TMC5: variants seen among roughly 807,000 people sequenced by gnomAD.
The protein encoded by TMC5 is transmembrane channel like 5.
TMC5 carries 86 observed loss-of-function variants against 110.5 expected under a neutral mutation model. That is an observed-to-expected ratio of 0.78 (90% CI 0.65 to 0.93). TMC5 has a LOEUF of 0.93. Ranked by LOEUF, TMC5 falls within the 40% of genes least tolerant of loss-of-function variation. The pLI is 0.00. For missense variants in TMC5, 1,144 were observed against 1,222.8 expected, an observed-to-expected ratio of 0.94 and a Z score of 0.96; for synonymous variants, 455 against 439.5, an observed-to-expected ratio of 1.04 and a Z score of -0.44.
rs575971732 is a variant in TMC5 at position 19,463,985 on chromosome 16, C to T, written c.1446C>T (p.Asn482=). Residue 482 remains asparagine, a synonymous_variant, in exon 8 of 22, where the codon AAC becomes AAT. Coordinates refer to ENST00000542583, the MANE Select transcript of TMC5 (RefSeq NM_001261841.2). The part of the protein sequence containing the change: ...IIPQFTVAKK[N]TLQFTGLEFF... The stretch of plus-strand genomic sequence containing the variant: ...CTCAGTTTACCGTGGCCAAAAAGAA[C>T]ACCCTCCAGTTCACTGGGCTGGAGT... The T allele has an allele frequency of 6.2e-7, 1 of 1,614,160 alleles. No individual in the cohort carries two copies. The highest frequency in any genetic ancestry group is 1.1e-5 in the South Asian group (1 of 91,080).
At chr16:19,494,738 T>G (rs58691654) in intron 20 of TMC5, among the ~76,000 whole-genome samples, 2 of 151,900 alleles carry the variant, frequency 1.3e-5, no homozygotes, top group Admixed American at 1.3e-4. Flanking sequence ...ACCCAGGAGG[T>G]GGAGGTTGCG....
At chr16:19,414,363 A>T (rs1405919613), upstream of TMC5, among the ~76,000 whole-genome samples, 1 of 152,166 alleles carries the variant, frequency 6.6e-6, no homozygotes, top group Non-Finnish European at 1.5e-5. Context: ...AAATTATTTT[A>T]AAAATTTATT....
chr16:19,464,195 C>T (rs1244374341), intron 8 of TMC5, among the ~76,000 whole-genome samples, 171 bp downstream of exon 8: 1 of 152,162 alleles, frequency 6.6e-6, no homozygotes, highest in African/African-American at 2.4e-5. Context: ...TGCCTGTAAT[C>T]CCAGCAAGCT....
rs781206776 is a variant in TMC5 at position 19,449,671 on chromosome 16, T to C, written c.1048+40T>C. On this transcript the variant is annotated intron_variant, in intron 5 of 21. Coordinates refer to ENST00000542583, the MANE Select transcript of TMC5 (RefSeq NM_001261841.2). ...TTGGCTCTGTGTCCCCACCCAACTC[T>C]CATTTCAAATTGTAATCCCCATGTG... is the stretch of plus-strand genomic sequence containing the variant. The C allele has an allele frequency of 3.2e-6, 5 of 1,556,816 alleles. No homozygotes were observed. The African/African-American group carries it at 6.8e-5, about 21-fold the overall frequency.
In TMC5 at chr16:19,466,211, T is replaced by C; in HGVS notation, c.1615T>C (p.Cys539Arg). Reference protein sequence around the residue: ...IFTIGACLTTCFFSLLFSMAK... With the variant: ...IFTIGACLTTRFFSLLFSMAK... ...CACAATCGGAGCATGCTTGACCACC[T>C]GCTTCTTCAGTTTGCTGTTCAGGTA... Residue 539 changes from cysteine to arginine, a missense_variant, in exon 9 of 22, where the codon TGC becomes CGC. Cys to Arg is a radical substitution (Grantham distance 180). Coordinates refer to ENST00000542583, the MANE Select transcript of TMC5 (RefSeq NM_001261841.2). The C allele has an allele frequency of 6.2e-7, 1 of 1,614,176 alleles. No homozygotes were observed. The highest frequency in any genetic ancestry group is 8.5e-7 in the Non-Finnish European group (1 of 1,180,036).
intron 2 of TMC5, among the ~76,000 whole-genome samples, chr16:19,434,378 A>C (rs1275626942): frequency 2.2e-5 from 1 of 45,140 alleles, no homozygotes; most frequent in Non-Finnish European, 4.0e-5. Flanking sequence ...ATATAGATCT[A>C]TATATAATAT....
intron 2 of TMC5, among the ~76,000 whole-genome samples, chr16:19,434,117 A>C (rs1396508936): frequency 1.9e-5 from 2 of 105,820 alleles, no homozygotes; most frequent in East Asian, 2.6e-4. Flanking sequence ...TTATATATAT[A>C]TCTATATATC....
chr16:19,435,691 C>T (rs1005617306), intron 2 of TMC5, among the ~76,000 whole-genome samples: 6 of 152,132 alleles, frequency 3.9e-5, no homozygotes, highest in Non-Finnish European at 8.8e-5. Context: ...TCACCTCTTT[C>T]CTTCCTCAAG....
intron 10 of TMC5, among the ~76,000 whole-genome samples, chr16:19,470,646 C>T (rs1164616821): frequency 6.8e-6 from 1 of 146,214 alleles, no homozygotes; most frequent in African/African-American, 2.5e-5. Context: ...ACAGCACCTG[C>T]AGCAGAGAAT....
intron 2 of TMC5, among the ~76,000 whole-genome samples, chr16:19,432,556 C>T (rs1044345713): frequency 9.2e-5 from 14 of 152,236 alleles, no homozygotes; most frequent in African/African-American, 3.4e-4. Context: ...CAGAAGGCCA[C>T]TCCCACTTCA....
At chr16:19,451,687 A>G (rs903802135) in intron 5 of TMC5, among the ~76,000 whole-genome samples, 11 of 152,048 alleles carry the variant, frequency 7.2e-5, no homozygotes, top group African/African-American at 2.7e-4. Context: ...TTCAATTCTG[A>G]CACTATCTAC....
chr16:19,440,238 G>A lies in TMC5; in HGVS notation c.200G>A (p.Gly67Glu), dbSNP rs774006049. Residue 67 changes from glycine (G) to glutamate (E), a missense_variant, in exon 3 of 22, where the codon GGG (glycine) becomes GAG (glutamate). Gly to Glu is a moderately conservative substitution (Grantham distance 98). Coordinates refer to ENST00000542583, the MANE Select transcript of TMC5 (RefSeq NM_001261841.2). Reference protein sequence around the residue: ...VASRTRPDYPGSLAEPNYPRS... With the variant: ...VASRTRPDYPESLAEPNYPRS... The stretch of plus-strand genomic sequence containing the variant: ...TCCAGAACACGTCCAGACTATCCTG[G>A]GTCTCTGGCAGAACCAAATTATCCT... The A allele has an allele frequency of 3.7e-6, 6 of 1,613,850 alleles. No individual in the cohort carries two copies. Among genetic ancestry groups the A allele is most frequent in the African/African-American group, 1.3e-5 (1 of 74,816 alleles).
chr16:19,462,897 CAAAAA>C (rs530123989), intron 6 of TMC5, among the ~76,000 whole-genome samples: 1 of 83,836 alleles, frequency 1.2e-5, no homozygotes, highest in Non-Finnish European at 2.5e-5. Flanking sequence ...GACGCCATCT[CAAAAA>C]AAAAAAAAAA....
rs1016138505 is a variant in TMC5, at chr16:19,494,287, T to C, written c.2852T>C (p.Ile951Thr). ...INEGKDKMFL[I>T]EKLIKLQDME... ...GAGGGCAAAGATAAAATGTTCCTGA[T>C]AGAAAAATTGATCAAGCTGCAGGAT... Residue 951 changes from isoleucine to threonine, a missense_variant, in exon 20 of 22, where the codon ATA (isoleucine) becomes ACA (threonine). Coordinates refer to ENST00000542583, the MANE Select transcript of TMC5 (RefSeq NM_001261841.2). 17 of 1,612,968 alleles carry C rather than the reference T, an allele frequency of 1.1e-5. No homozygotes were observed. Among genetic ancestry groups the C allele is most frequent in the African/African-American group, 5.3e-5 (4 of 74,854 alleles).
chr16:19,420,854 T>C (rs983337934), intron 1 of TMC5, among the ~76,000 whole-genome samples: 4 of 152,218 alleles, frequency 2.6e-5, no homozygotes, highest in African/African-American at 9.6e-5. Context: ...TTCCCAGCCT[T>C]TGATGTGTTA....
intron 5 of TMC5, among the ~76,000 whole-genome samples, chr16:19,457,899 T>C (rs549399940): frequency 6.6e-6 from 1 of 151,740 alleles, no homozygotes; most frequent in Admixed American, 6.6e-5. Context: ...AATTTTTGTA[T>C]TTTTAGTAGA....
chr16:19,423,807 AGTG>A (rs1447629757), intron 1 of TMC5, among the ~76,000 whole-genome samples: 1 of 152,170 alleles, frequency 6.6e-6, no homozygotes, highest in Non-Finnish European at 1.5e-5. Flanking sequence ...GCTGGAGTGC[AGTG>A]GTGCCATCTT....
At chr16:19,424,946 G>T (rs1381975186) in intron 1 of TMC5, among the ~76,000 whole-genome samples, 4 of 152,176 alleles carry the variant, frequency 2.6e-5, no homozygotes, top group Admixed American at 1.3e-4. Context: ...CTGGTGAGCA[G>T]CCTCCATCCA....
chr16:19,426,533 C>T (rs1483157953), intron 1 of TMC5, among the ~76,000 whole-genome samples: 1 of 152,138 alleles, frequency 6.6e-6, no homozygotes, highest in Non-Finnish European at 1.5e-5. Flanking sequence ...GGAGCCCACT[C>T]CTAGTAGATC....
Sources: gnomAD v4.1 joint callset for allele counts (sites outside exome capture counted in the v4.1 genomes callset) on GRCh38, gnomAD v4.1.1 for gene constraint, MANE v1.5 for transcripts, NCBI Gene and HGNC (gene_info 2026-07-23, HGNC 2026-07-21) for gene names.